The following TAS2R1 variants were observed in gnomAD, a reference collection of about 807,000 sequenced individuals.
The protein encoded by TAS2R1 is taste 2 receptor member 1.
For missense variants in TAS2R1, 370 were observed against 353.4 expected (o/e 1.05, Z -0.38); for synonymous variants, 141 against 134.2 (o/e 1.05, Z -0.35).
At chr5:9,664,650 C>A (rs188816626) in intron 1 of TAS2R1, among the ~76,000 whole-genome samples, 5 of 152,104 alleles carry the variant, frequency 3.3e-5, no homozygotes, top group Non-Finnish European at 5.9e-5. Context: ...TTGGATAAAC[C>A]GTGGGATTCT....
Position 9,629,784 on chromosome 5 carries a change from T to C in TAS2R1, c.249A>G (p.Ala83=). 1.2e-6 allele frequency: 2 copies of C among 1,613,898 alleles called. No individual in the cohort carries two copies. Among genetic ancestry groups the C allele is most frequent in the Non-Finnish European group, 1.7e-6 (2 of 1,179,926 alleles). ...IEFIMCSANC[A]ILLFINELEL... The stretch of plus-strand genomic sequence containing the variant: ...CCAATTCATTTATAAATAAGAGAAT[T>C]GCACAATTCGCAGAACACATGATGA... The change falls in exon 1 of 1, where the codon GCA becomes GCG. Residue 83 remains alanine, a synonymous_variant. Transcript: ENST00000382492.
At chr5:9,660,558 A>T (rs1579772248) in intron 1 of TAS2R1, among the ~76,000 whole-genome samples, 3 of 152,094 alleles carry the variant, frequency 2.0e-5, no homozygotes, top group Admixed American at 1.3e-4. Context: ...CTTAAAACCC[A>T]TGCATCCAAA....
At chr5:9,676,117 T>C (rs538494204) in intron 1 of TAS2R1, among the ~76,000 whole-genome samples, 9 of 152,328 alleles carry the variant, frequency 5.9e-5, no homozygotes, top group African/African-American at 2.2e-4. Flanking sequence ...CATGTGATTT[T>C]TACCTTTTAT....
At chr5:9,836,278 T>C in the TAS2R1 span, among the ~76,000 whole-genome samples, 1 of 152,096 alleles carries the variant, frequency 6.6e-6, no homozygotes, top group Non-Finnish European at 1.5e-5. Context: ...ACCAGCAGCA[T>C]GAAAATGGAC....
chr5:9,817,945 A>T, the TAS2R1 span, among the ~76,000 whole-genome samples: 11,754 of 152,080 alleles, frequency 0.077, 1,211 homozygotes, highest in East Asian at 0.28. Flanking sequence ...GAACTCACTC[A>T]CCATCACAAA....
At chr5:9,665,413 T>G (rs557175673) in intron 1 of TAS2R1, among the ~76,000 whole-genome samples, 1 of 152,372 alleles carries the variant, frequency 6.6e-6, no homozygotes, top group Admixed American at 6.5e-5. Context: ...TTTGGCATCC[T>G]ATCATCTCAG....
At chr5:9,744,365 GT>G in the TAS2R1 span, among the ~76,000 whole-genome samples, 3 of 152,162 alleles carry the variant, frequency 2.0e-5, no homozygotes, top group Non-Finnish European at 4.4e-5. Flanking sequence ...AAGTGGACAC[GT>G]TCATTAGTTT....
At chr5:9,639,640 A>G (rs776851504) in intron 2 of TAS2R1, among the ~76,000 whole-genome samples, 1 of 152,162 alleles carries the variant, frequency 6.6e-6, no homozygotes, top group Non-Finnish European at 1.5e-5. Flanking sequence ...GTTCTCTGCC[A>G]TCTTCCCCCG....
At chr5:9,753,953 T>C in the TAS2R1 span, among the ~76,000 whole-genome samples, 21 of 152,190 alleles carry the variant, frequency 1.4e-4, no homozygotes, top group Non-Finnish European at 2.4e-4. Flanking sequence ...CACTGTAGCC[T>C]TGTAGTATAG....
the TAS2R1 span, among the ~76,000 whole-genome samples, chr5:9,736,337 C>G: frequency 6.6e-6 from 1 of 152,204 alleles, no homozygotes; most frequent in Non-Finnish European, 1.5e-5. Context: ...AGCCTTATTC[C>G]CTCTGCACTT....
the TAS2R1 span, among the ~76,000 whole-genome samples, chr5:9,878,118 C>G: frequency 1.3e-5 from 2 of 152,122 alleles, no homozygotes; most frequent in Non-Finnish European, 2.9e-5. Flanking sequence ...TTTGGGGGCT[C>G]TCAATGAATT....
At chr5:9,673,392 A>G (rs1041581294) in intron 1 of TAS2R1, among the ~76,000 whole-genome samples, 1 of 152,196 alleles carries the variant, frequency 6.6e-6, no homozygotes, top group Non-Finnish European at 1.5e-5. Flanking sequence ...GGAAGGAGAT[A>G]CAACAAAGCC....
At chr5:9,795,110 T>C in the TAS2R1 span, among the ~76,000 whole-genome samples, 3 of 152,196 alleles carry the variant, frequency 2.0e-5, no homozygotes, top group Non-Finnish European at 4.4e-5. Context: ...TATTTGAAAC[T>C]GTATCATATA....
chr5:9,650,774 T>C (rs1418180180), intron 2 of TAS2R1, among the ~76,000 whole-genome samples: 3 of 152,182 alleles, frequency 2.0e-5, no homozygotes, highest in Admixed American at 2.0e-4. Flanking sequence ...GGTTAGTACT[T>C]ACTACTATCC....
the TAS2R1 span, among the ~76,000 whole-genome samples, chr5:9,782,358 C>T: frequency 6.6e-6 from 1 of 150,880 alleles, no homozygotes; most frequent in East Asian, 2.0e-4. Context: ...TTTAAAGCCA[C>T]AGTATCCAGT....
At chr5:9,732,834 A>G in the TAS2R1 span, among the ~76,000 whole-genome samples, 1 of 152,224 alleles carries the variant, frequency 6.6e-6, no homozygotes, top group African/African-American at 2.4e-5. Flanking sequence ...CATAGAGGGT[A>G]GCAAGTTGAT....
intron 1 of TAS2R1, among the ~76,000 whole-genome samples, chr5:9,694,399 C>T (rs1741315330): frequency 6.6e-6 from 1 of 151,952 alleles, no homozygotes; most frequent in African/African-American, 2.4e-5. Flanking sequence ...AAATCAGAGC[C>T]CTGAAAAACA....
At position 9,683,744 on chromosome 5, in the gene TAS2R1, CT is replaced by C. The variant is rs562613799; in HGVS notation, c.-241-24164del. 5.2e-3 allele frequency among the ~76,000 whole-genome samples: 793 copies of C among 152,302 alleles called. 2 individuals carry two copies. Among genetic ancestry groups the C allele is most frequent in the Non-Finnish European group, 8.0e-3 (547 of 68,018 alleles). On this transcript the variant is annotated intron_variant, in intron 1 of 2. Coordinates refer to the TAS2R1 transcript ENST00000506620. ...AGTTTGCATGTGAAATAAAAACTAT[CT>C]GATATCCCATGGGCTTCTATGAGCT... is the stretch of plus-strand genomic sequence containing the variant.
chr5:9,882,041 C>A, the TAS2R1 span, among the ~76,000 whole-genome samples: 5 of 152,116 alleles, frequency 3.3e-5, no homozygotes, highest in African/African-American at 1.2e-4. Flanking sequence ...TTCTGCACAG[C>A]AAAAGAAACT....
Sources: allele counts gnomAD v4.1 joint callset (sites outside exome capture counted in the v4.1 genomes callset), GRCh38; gene constraint gnomAD v4.1.1; transcripts MANE v1.5; gene names NCBI Gene and HGNC (gene_info 2026-07-23, HGNC 2026-07-21).